Variants in SNED1 observed in about 807,000 individuals in gnomAD.
The protein encoded by SNED1 is sushi, nidogen and EGF-like domain-containing protein 1.
Under a neutral mutation model 166.7 loss-of-function variants are expected in SNED1, and 81 were observed. The ratio of observed to expected loss-of-function variants is 0.49; its 90% confidence interval spans 0.41 to 0.58. SNED1 has a LOEUF of 0.58. Among genes scored for constraint, SNED1 ranks in the 20% least tolerant of loss-of-function variants. The pLI, the probability that SNED1 is intolerant of heterozygous loss-of-function variation, is 0.00. For synonymous variants in SNED1, 762 were observed against 822.0 expected (o/e 0.93, Z 1.25); for missense variants, 1,604 against 2,000.2 (o/e 0.80, Z 3.78).
chr2:241,052,547 G>A (rs2061882174), intron 15 of SNED1, 79 bp downstream of exon 15: 3 of 1,128,694 alleles, frequency 2.7e-6, no homozygotes, highest in East Asian at 2.3e-5. Flanking sequence ...CCCAAGCAGG[G>A]TACATGGGAT....
At position 241,043,745 on chromosome 2, in the gene SNED1, T is replaced by C. The variant is rs150939303; in HGVS notation, c.1273+3332T>C. The stretch of plus-strand genomic sequence containing the variant: ...GTAAAGGGCCAGAAAGTAAATACTT[T>C]TGGCTTTGTGAGCCATATGGTCTCT... On this transcript the variant is annotated intron_variant, in intron 8 of 31. Coordinates refer to ENST00000310397, the MANE Select transcript of SNED1 (RefSeq NM_001080437.3). 7.5e-4 allele frequency among the ~76,000 whole-genome samples: 114 copies of C among 152,358 alleles called. 1 individual carries two copies. In the East Asian group the frequency reaches 0.019, roughly 25 times the overall value.
chr2:241,001,031 C>A (rs1170671040), intron 1 of SNED1, among the ~76,000 whole-genome samples: 1 of 152,226 alleles, frequency 6.6e-6, no homozygotes, highest in Non-Finnish European at 1.5e-5. Flanking sequence ...CCTGGGGCCT[C>A]CCACGCCCAC....
At position 241,023,888 on chromosome 2, in the gene SNED1, C is replaced by CTTTTTTTTTTTTTTTTTTTTTTTT. The variant is rs34234341; in HGVS notation, c.214-6377_214-6376insTTTTTTTTTTTTTTTTTTTTTTTT. ...TTCTCTCTTTTTTTCTTTTTTTTTC[C>CTTTTTTTTTTTTTTTTTTTTTTTT]TTTTTTTTTTTTTTTTTTTGAGACA... is the stretch of plus-strand genomic sequence containing the variant. On this transcript the variant is annotated intron_variant, in intron 1 of 31. Transcript: ENST00000310397. 3.0e-4 allele frequency among the ~76,000 whole-genome samples: 28 copies of CTTTTTTTTTTTTTTTTTTTTTTTT among 91,994 alleles called. 1 individual carries two copies. Among genetic ancestry groups the CTTTTTTTTTTTTTTTTTTTTTTTT allele is most frequent in the Non-Finnish European group, 3.8e-4 (20 of 51,972 alleles). 60.4% of individuals were successfully genotyped at this position (91,994 alleles called of 152,430 possible). A position where few individuals can be genotyped will look rare whatever the true frequency, so the allele number is the denominator to read the frequency against.
chr2:241,062,136 T>G (rs1194848860), intron 16 of SNED1, among the ~76,000 whole-genome samples: 2 of 152,186 alleles, frequency 1.3e-5, no homozygotes, highest in African/African-American at 4.8e-5. Context: ...AAGCTAATTT[T>G]AATTACATAT....
At chr2:241,043,442 G>T (rs2061567224) in intron 8 of SNED1, among the ~76,000 whole-genome samples, 1 of 151,976 alleles carries the variant, frequency 6.6e-6, no homozygotes, top group South Asian at 2.1e-4. Flanking sequence ...CTGAAATAAA[G>T]ACTTTTTTAC....
rs1469933721 is a variant in SNED1, at chr2:241,037,267, G to A, written c.959G>A (p.Cys320Tyr). 4 of 1,611,320 alleles carry A rather than the reference G, an allele frequency of 2.5e-6. No individual in the cohort carries two copies. The highest frequency in any genetic ancestry group is 8.5e-7 in the Non-Finnish European group (1 of 1,179,088). Residue 320 changes from cysteine to tyrosine, a missense_variant, in exon 6 of 32, where the codon TGT becomes TAT. This residue lies in a region of SNED1 where 1,237 missense variants were observed against 1,620.8 expected (regional missense o/e 0.76). Transcript: ENST00000310397. ...GTGAACGAATGTGCCTCCCAGCCCT[G>A]TCAGAATGGTGGGACCTGTACTCAC... is the stretch of plus-strand genomic sequence containing the variant. ...LDVNECASQP[C>Y]QNGGTCTHGI...
At chr2:241,007,631 A>C (rs1311123251) in intron 1 of SNED1, among the ~76,000 whole-genome samples, 1 of 152,182 alleles carries the variant, frequency 6.6e-6, no homozygotes, top group Non-Finnish European at 1.5e-5. Context: ...ATTTTGGTGA[A>C]GTTCTTCCTT....
chr2:241,057,825 G>T (rs952296974), intron 16 of SNED1, among the ~76,000 whole-genome samples: 2 of 152,132 alleles, frequency 1.3e-5, no homozygotes, highest in African/African-American at 4.8e-5. Flanking sequence ...GTCCTTTTCT[G>T]AAAGAAGTAA....
intron 1 of SNED1, among the ~76,000 whole-genome samples, chr2:241,002,331 ATC>A (rs1275397344): frequency 6.6e-6 from 1 of 152,062 alleles, no homozygotes; most frequent in East Asian, 1.9e-4. Flanking sequence ...AATCACTGCC[ATC>A]TCTGCTCTCT....
chr2:241,071,891 G>T lies in SNED1; in HGVS notation c.3817+13G>T. The T allele has an allele frequency of 6.3e-7, 1 of 1,588,770 alleles. No individual in the cohort carries two copies. On this transcript the variant is annotated intron_variant, in intron 26 of 31. Transcript: ENST00000310397. The stretch of plus-strand genomic sequence containing the variant: ...ACCGTGAGATCACGTGAGTGCCAGG[G>T]CCTCCCCACCCACCTTGGTGGCCCA...
rs1203730108 is a variant in SNED1, at chr2:241,069,108, C to T, written c.3307+85C>T. 1 of 906,248 alleles carries T rather than the reference C, an allele frequency of 1.1e-6. No individual in the cohort carries two copies. Among genetic ancestry groups the T allele is most frequent in the Non-Finnish European group, 1.7e-6 (1 of 604,240 alleles). 56.1% of individuals were successfully genotyped at this position (906,248 alleles called of 1,614,324 possible). On this transcript the variant is annotated intron_variant, in intron 23 of 31. Transcript: ENST00000310397. This position sits in a 1 kb window ranked among gnomAD's most constrained non-coding sequence, Gnocchi z 4.9. ...CCTTCCAGCCTCCCCTAGTCCTCTC[C>T]AAAGCGTCCACAACACCAGAAACCC...
At chr2:241,077,429 T>C (rs1171608183) in intron 27 of SNED1, among the ~76,000 whole-genome samples, 1 of 152,144 alleles carries the variant, frequency 6.6e-6, no homozygotes, top group Non-Finnish European at 1.5e-5. Flanking sequence ...CTACTCTTCA[T>C]CAAAACTTAA....
chr2:241,071,581 A>G lies in SNED1; in HGVS notation c.3595A>G (p.Arg1199Gly). Residue 1199 changes from arginine (R) to glycine (G), a missense_variant, in exon 25 of 32, where the codon AGG becomes GGG. Physicochemically the swap from Arg to Gly is moderately radical, Grantham distance 125. Around this residue, in one of 2 missense-constraint regions of SNED1, gnomAD observed 367 missense variants for 379.4 expected, o/e 0.97. Coordinates refer to ENST00000310397, the MANE Select transcript of SNED1 (RefSeq NM_001080437.3). ...PAHLYIITSP[R>G]DGADRRWHQG... ...TCCTCCTGCCTGCTCTGCAGCCCCC[A>G]GGGATGGCGCTGACAGACGCTGGCA... 1 of 1,586,266 alleles carries G rather than the reference A, an allele frequency of 6.3e-7. No homozygotes were observed. The highest frequency in any genetic ancestry group is 1.1e-5 in the South Asian group (1 of 87,690).
rs2060026659 is a variant in SNED1, at chr2:240,999,902, C to G, written c.213+852C>G. On this transcript the variant is annotated intron_variant, in intron 1 of 31. Transcript: ENST00000310397. This position sits in a 1 kb window ranked among gnomAD's most constrained non-coding sequence, Gnocchi z 5.8. ...TTCCCTGAAACACCCCAGATCATATCTAGAAAACTGCTGGGCCAGCCTCAA... is the reference window on the plus strand; with the variant it reads ...TTCCCTGAAACACCCCAGATCATATGTAGAAAACTGCTGGGCCAGCCTCAA... 6.6e-6 allele frequency among the ~76,000 whole-genome samples: 1 copy of G among 152,154 alleles called. No homozygotes were observed. Among genetic ancestry groups the G allele is most frequent in the African/African-American group, 2.4e-5 (1 of 41,426 alleles).
At chr2:241,036,353 C>T (rs946646844) in intron 4 of SNED1, among the ~76,000 whole-genome samples, 3 of 151,988 alleles carry the variant, frequency 2.0e-5, no homozygotes, top group Non-Finnish European at 4.4e-5. Context: ...GGACACAGCC[C>T]TCCTGCAGCC....
chr2:240,999,841 G>A lies in SNED1; in HGVS notation c.213+791G>A, dbSNP rs561245081. ...CACCTGGTAACTGCATGGAGCACTC[G>A]CCCTGAGTAGGCCACGGTGCACTGG... On this transcript the variant is annotated intron_variant, in intron 1 of 31. Coordinates refer to ENST00000310397, the MANE Select transcript of SNED1 (RefSeq NM_001080437.3). The surrounding 1 kb of genome is among the most constrained non-coding windows in gnomAD (Gnocchi z 5.8). Among the ~76,000 whole-genome samples, 1 of 152,236 alleles carries A rather than the reference G, an allele frequency of 6.6e-6. No homozygotes were observed. The highest frequency in any genetic ancestry group is 2.1e-4 in the South Asian group (1 of 4,824).
intron 1 of SNED1, among the ~76,000 whole-genome samples, chr2:241,009,774 C>T (rs928007210): frequency 6.6e-6 from 1 of 151,966 alleles, no homozygotes; most frequent in African/African-American, 2.4e-5. Context: ...ACTGGAACAA[C>T]CCCTTGGGTG....
At chr2:241,022,799 G>T (rs1276085097) in intron 1 of SNED1, among the ~76,000 whole-genome samples, 4 of 152,052 alleles carry the variant, frequency 2.6e-5, no homozygotes, top group Non-Finnish European at 5.9e-5. Flanking sequence ...TTGGTAAGTT[G>T]CATTTTTCAA....
At chr2:241,040,031 C>A (rs1357722565) in intron 6 of SNED1, 44 bp from the exon 7 acceptor site, 7 of 1,451,072 alleles carry the variant, frequency 4.8e-6, no homozygotes, top group Middle Eastern at 1.7e-4. Flanking sequence ...CTCAGGTAAC[C>A]ATAACTGGGA....
Sources: gnomAD v4.1 joint callset for allele counts (sites outside exome capture counted in the v4.1 genomes callset) on GRCh38, gnomAD v4.1.1 for gene constraint, gnomAD v4.1.1 regional missense constraint, Gnocchi (gnomAD v3.1) non-coding constraint, MANE v1.5 for transcripts, NCBI Gene and HGNC (gene_info 2026-07-23, HGNC 2026-07-21) for gene names.